The following NTM variants were observed in gnomAD, a reference collection of about 807,000 sequenced individuals.
The protein encoded by NTM is neurotrimin, also known as IgLON family member 2.
In NTM, 13 loss-of-function variants were observed where a neutral mutation model predicts 42.1. The observed-to-expected ratio is 0.31, with a 90% CI of 0.20 to 0.49. The LOEUF (loss-of-function observed/expected upper bound fraction) is 0.49, where lower values mean the gene tolerates loss of function less well. Among genes scored for constraint, NTM ranks in the 20% least tolerant of loss-of-function variants. NTM has a pLI of 0.99. For synonymous variants in NTM, 187 were observed against 179.2 expected, an observed-to-expected ratio of 1.04 and a Z score of -0.35; for missense variants, 373 against 452.8, an observed-to-expected ratio of 0.82 and a Z score of 1.60.
chr11:131,526,974 A>G (rs999062837), intron 1 of NTM, among the ~76,000 whole-genome samples: 1 of 152,182 alleles, frequency 6.6e-6, no homozygotes, highest in Non-Finnish European at 1.5e-5. Context: ...TGCTCCTCAT[A>G]CTGTCCCCCC....
chr11:131,801,430 T>C (rs1228877711), intron 1 of NTM, among the ~76,000 whole-genome samples: 2 of 152,104 alleles, frequency 1.3e-5, no homozygotes, highest in East Asian at 1.9e-4. Context: ...CCTTGGGACA[T>C]TGTATTTCTC....
chr11:131,620,286 A>C (rs2062393884), intron 1 of NTM, among the ~76,000 whole-genome samples: 1 of 152,138 alleles, frequency 6.6e-6, no homozygotes, highest in Admixed American at 6.5e-5. Context: ...TACAGCTAAA[A>C]CCATTTTCAA....
At chr11:132,255,599 G>T (rs960624677) in intron 4 of NTM, among the ~76,000 whole-genome samples, 13 of 152,212 alleles carry the variant, frequency 8.5e-5, no homozygotes, top group Non-Finnish European at 1.5e-5. Context: ...AGGGGGTGCG[G>T]AGTGGGTGGT....
chr11:131,866,577 C>G (rs371228702), intron 1 of NTM, among the ~76,000 whole-genome samples: 193 of 152,374 alleles, frequency 1.3e-3, no homozygotes, highest in African/African-American at 4.5e-3. Flanking sequence ...GTGTCTCCCC[C>G]TCCCCTGCAA....
At chr11:132,185,990 C>T (rs1413666751) in intron 3 of NTM, among the ~76,000 whole-genome samples, 1 of 152,212 alleles carries the variant, frequency 6.6e-6, no homozygotes, top group Non-Finnish European at 1.5e-5. Context: ...CATCGCTTTC[C>T]CACCCTAGAA....
intron 1 of NTM, among the ~76,000 whole-genome samples, chr11:131,601,418 A>G (rs2060475521): frequency 6.6e-6 from 1 of 152,240 alleles, no homozygotes; most frequent in Non-Finnish European, 1.5e-5. Context: ...AATGACAAAA[A>G]TAGAGCAATT....
At chr11:132,031,903 C>T (rs1346573583) in intron 2 of NTM, among the ~76,000 whole-genome samples, 3 of 152,138 alleles carry the variant, frequency 2.0e-5, no homozygotes, top group Non-Finnish European at 4.4e-5. Flanking sequence ...TCCAAAATGA[C>T]ATGCTCAAAG....
At chr11:132,021,826 A>G (rs2074384938) in intron 2 of NTM, among the ~76,000 whole-genome samples, 1 of 152,240 alleles carries the variant, frequency 6.6e-6, no homozygotes. Context: ...AGTGCGGACC[A>G]TTTCCAATGT....
chr11:131,756,335 GCA>G (rs2083326104), intron 1 of NTM, among the ~76,000 whole-genome samples: 1 of 152,150 alleles, frequency 6.6e-6, no homozygotes, highest in Admixed American at 6.5e-5. Flanking sequence ...TGTAATTCCA[GCA>G]TTTTGGGAGG....
rs2054362643 is a variant in NTM, at chr11:131,549,459, G to T, written c.82+178571G>T. Among the ~76,000 whole-genome samples, 3 of 152,058 alleles carry T rather than the reference G, an allele frequency of 2.0e-5. No homozygotes were observed. The South Asian group carries it at 6.3e-4, about 32-fold the overall frequency. Reference sequence around the variant, plus strand: ...GACAGAAGGAGAGAAAGAGTCAAAGGGTTGTCAACTGCCTACAAGATGTGG... The same window carrying T: ...GACAGAAGGAGAGAAAGAGTCAAAGTGTTGTCAACTGCCTACAAGATGTGG... On this transcript the variant is annotated intron_variant, in intron 1 of 8. Transcript: ENST00000683400.
intron 1 of NTM, among the ~76,000 whole-genome samples, chr11:131,440,816 TAAAAAAAAAAAAAAAAAAAAAAAAAAA>T (rs55915027): frequency 4.2e-4 from 18 of 42,922 alleles, no homozygotes; most frequent in Middle Eastern, 0.019. Flanking sequence ...ACAGCCTCCA[TAAAAAAAAAAAAAAAAAAAAAAAAAAA>T]AAAAAAAAAA....
chr11:131,665,923 T>A (rs764321996), intron 1 of NTM, among the ~76,000 whole-genome samples: 4 of 152,240 alleles, frequency 2.6e-5, no homozygotes, highest in African/African-American at 7.2e-5. Flanking sequence ...GAAAATTAAC[T>A]GAGATAAGGA....
chr11:131,777,900 A>G (rs2087336504), intron 1 of NTM, among the ~76,000 whole-genome samples: 1 of 152,224 alleles, frequency 6.6e-6, no homozygotes, highest in Non-Finnish European at 1.5e-5. Context: ...CTATGAGCAA[A>G]AATGTTTGAC....
chr11:131,729,916 GTT>G (rs111526208), intron 1 of NTM, among the ~76,000 whole-genome samples: 1 of 151,422 alleles, frequency 6.6e-6, no homozygotes, highest in African/African-American at 2.4e-5. Flanking sequence ...TACATACAGA[GTT>G]TTTTTTTGGA....
chr11:132,131,086 A>G (rs2066736387), intron 2 of NTM, among the ~76,000 whole-genome samples: 1 of 152,238 alleles, frequency 6.6e-6, no homozygotes, highest in African/African-American at 2.4e-5. Flanking sequence ...AAACATTGTC[A>G]TGAAATGTCT....
At chr11:131,930,893 G>A (rs2058518667) in intron 2 of NTM, among the ~76,000 whole-genome samples, 1 of 152,154 alleles carries the variant, frequency 6.6e-6, no homozygotes, top group Non-Finnish European at 1.5e-5. Context: ...CTCTAACTCA[G>A]TCATTTCAGG....
rs963425406 is a variant in NTM, at chr11:131,686,212, G to A, written c.83-225352G>A. Among the ~76,000 whole-genome samples the A allele has an allele frequency of 2.0e-5, 3 of 152,328 alleles. No homozygotes were observed. The East Asian group carries it at 5.8e-4, about 29-fold the overall frequency. On this transcript the variant is annotated intron_variant, in intron 1 of 8. Coordinates refer to ENST00000683400, the MANE Select transcript of NTM (RefSeq NM_001352005.2). ...ACAGTTGACCCTCAAATAATGCGGT[G>A]GTTGGGGGTGCCGACCCCTTGCTTA...
chr11:132,256,242 C>T (rs1340642319), intron 4 of NTM, among the ~76,000 whole-genome samples: 1 of 152,196 alleles, frequency 6.6e-6, no homozygotes, highest in East Asian at 1.9e-4. Context: ...CAGTGTGGTC[C>T]TCCCACGTGC....
At chr11:132,218,018 C>A (rs2084276424) in intron 4 of NTM, among the ~76,000 whole-genome samples, 1 of 152,142 alleles carries the variant, frequency 6.6e-6, no homozygotes, top group South Asian at 2.1e-4. Context: ...GGTTCCATGA[C>A]TCCAGTGACA....
Sources: gnomAD v4.1 joint callset for allele counts (sites outside exome capture counted in the v4.1 genomes callset) on GRCh38, gnomAD v4.1.1 for gene constraint, MANE v1.5 for transcripts, NCBI Gene and HGNC (gene_info 2026-07-23, HGNC 2026-07-21) for gene names.